Variants in BRF1 observed in about 807,000 individuals in gnomAD.
The protein encoded by BRF1 is BRF1 general transcription factor IIIB subunit.
A neutral mutation model predicts 81.7 loss-of-function variants in BRF1; 59 were observed. That is an observed-to-expected ratio of 0.72 (90% CI 0.59 to 0.90). BRF1 has a LOEUF of 0.90. BRF1 is among the 40% of genes least tolerant of loss of function. The pLI is 0.00. For synonymous variants in BRF1, 491 were observed against 395.6 expected (o/e 1.24, Z -2.86); for missense variants, 1,050 against 936.3 (o/e 1.12, Z -1.58).
chr14:105,218,807 G>C (rs1281263492), intron 14 of BRF1, among the ~76,000 whole-genome samples, 191 bp downstream of exon 14: 1 of 152,232 alleles, frequency 6.6e-6, no homozygotes, highest in Non-Finnish European at 1.5e-5. Flanking sequence ...ACGGCTGGGC[G>C]CCTGTGGCCA....
chr14:105,225,892 T>C (rs1310283090), intron 10 of BRF1, among the ~76,000 whole-genome samples, 177 bp downstream of exon 10: 1 of 152,220 alleles, frequency 6.6e-6, no homozygotes, highest in Non-Finnish European at 1.5e-5. Flanking sequence ...GTGATCCGCC[T>C]GCCTCAGCCT....
chr14:105,211,430 C>T (rs587620828), intron 16 of BRF1, 137 bp from the exon 17 acceptor site: 1 of 784,790 alleles, frequency 1.3e-6, no homozygotes, highest in African/African-American at 1.8e-5. Context: ...TTGGCCAGGG[C>T]TCCCAGGCCC....
intron 3 of BRF1, among the ~76,000 whole-genome samples, chr14:105,264,725 C>T (rs935200099): frequency 6.7e-6 from 1 of 149,132 alleles, no homozygotes; most frequent in Non-Finnish European, 1.5e-5. Flanking sequence ...CCTGTAGTCC[C>T]AACTACTATG....
At chr14:105,296,058 G>A (rs1386940239) in intron 1 of BRF1, among the ~76,000 whole-genome samples, 1 of 138,056 alleles carries the variant, frequency 7.2e-6, no homozygotes, top group Non-Finnish European at 1.5e-5. Flanking sequence ...TCCAGCCTGG[G>A]CAACAGAGCG....
rs146609099 is a variant in BRF1 at position 105,225,839 on chromosome 14, G to T, written c.1048+230C>A. Among the ~76,000 whole-genome samples, 1,448 of 152,220 alleles carry T rather than the reference G, an allele frequency of 9.5e-3. 51 individuals are homozygous for T. Among genetic ancestry groups the T allele is most frequent in the Admixed American group, 0.064 (985 of 15,282 alleles). ...ATTTTTGCATTTGTAGTAGAGACAG[G>T]GTTTCACCATGTTGGCCAGGATGGT... On this transcript the variant is annotated intron_variant, in intron 10 of 17. Transcript: ENST00000547530.
At chr14:105,314,947 C>G in intron 1 of BRF1, 2 of 1,170,748 alleles carry the variant, frequency 1.7e-6, no homozygotes, top group Non-Finnish European at 2.2e-6. Context: ...CTCGGCCTCC[C>G]CGGCGCGCCC....
chr14:105,286,402 A>T, intron 1 of BRF1, 26 bp from the exon 2 acceptor site: 1 of 1,603,714 alleles, frequency 6.2e-7, no homozygotes, highest in South Asian at 1.1e-5. Context: ...AAGACAGATC[A>T]GCCAAAACTT....
chr14:105,248,420 G>A (rs1045017050), intron 5 of BRF1: 2 of 985,342 alleles, frequency 2.0e-6, no homozygotes, highest in Non-Finnish European at 2.4e-6. Context: ...GGCTACCTCT[G>A]CACAGCGCGC....
intron 10 of BRF1, among the ~76,000 whole-genome samples, chr14:105,225,452 C>G (rs908978734): frequency 6.6e-6 from 1 of 152,176 alleles, no homozygotes; most frequent in African/African-American, 2.4e-5. Flanking sequence ...CACAGCTCAT[C>G]AGCATTAACA....
At chr14:105,300,333 CG>C in intron 1 of BRF1, 112 bp downstream of exon 1, 2 of 1,215,558 alleles carry the variant, frequency 1.6e-6, no homozygotes, top group Non-Finnish European at 2.2e-6. Context: ...CAGAACCGCG[CG>C]CCCCGACAGA....
chr14:105,250,017 C>T (rs137857567), intron 5 of BRF1: 2 of 1,612,894 alleles, frequency 1.2e-6, no homozygotes, highest in Non-Finnish European at 8.5e-7. Flanking sequence ...CTGCCAATCA[C>T]CCCACGAAAC....
chr14:105,244,136 C>T (rs954876650), intron 5 of BRF1, among the ~76,000 whole-genome samples: 3 of 150,884 alleles, frequency 2.0e-5, no homozygotes, highest in African/African-American at 4.9e-5. Flanking sequence ...CAGCAAGACC[C>T]CATCTCTTAA....
chr14:105,210,445 G>C lies in BRF1; in HGVS notation c.*106C>G. On this transcript the variant is annotated 3_prime_UTR_variant, in exon 18 of 18. Coordinates refer to ENST00000547530, the MANE Select transcript of BRF1 (RefSeq NM_001519.4). This position sits in a 1 kb window ranked among gnomAD's most constrained non-coding sequence, Gnocchi z 4.7. Reference sequence around the variant, plus strand: ...TGGGACAGGTGCCACCTGTCACCAGGAGTCTCGGCGCTGGGGCCTGCCTGC... The same window carrying C: ...TGGGACAGGTGCCACCTGTCACCAGCAGTCTCGGCGCTGGGGCCTGCCTGC... The C allele has an allele frequency of 7.8e-7, 1 of 1,275,000 alleles. No homozygotes were observed. Among genetic ancestry groups the C allele is most frequent in the Non-Finnish European group, 1.1e-6 (1 of 909,266 alleles). The allele number at this position is 1,275,000 out of a possible 1,614,324, so 79.0% of individuals were successfully genotyped here. A position where few individuals can be genotyped will look rare whatever the true frequency, so the allele number is the denominator to read the frequency against.
intron 1 of BRF1, among the ~76,000 whole-genome samples, chr14:105,306,635 T>G (rs963942209): frequency 1.6e-4 from 25 of 151,728 alleles, no homozygotes; most frequent in Non-Finnish European, 3.4e-4. Context: ...AGACTGAGTC[T>G]CGCTGTGTCG....
chr14:105,221,497 G>T, intron 11 of BRF1, 151 bp downstream of exon 11: 2 of 1,111,768 alleles, frequency 1.8e-6, no homozygotes, highest in South Asian at 1.7e-5. Flanking sequence ...CCCCATTGGG[G>T]GGACTGGTGG....
At chr14:105,228,784 T>G in intron 7 of BRF1, 36 bp downstream of exon 7, 1 of 1,609,992 alleles carries the variant, frequency 6.2e-7, no homozygotes, top group Non-Finnish European at 8.5e-7. Flanking sequence ...ATGAAGCCTC[T>G]GTGTGGTCCC....
Position 105,248,057 on chromosome 14 carries a change from C to T in BRF1, c.544+4450G>A, listed in dbSNP as rs947088623. 1.8e-5 allele frequency: 18 copies of T among 985,406 alleles called. No homozygotes were observed. The African/African-American group carries it at 2.3e-4, about 12-fold the overall frequency. 61.0% of individuals were successfully genotyped at this position (985,406 alleles called of 1,614,324 possible). A position where few individuals can be genotyped will look rare whatever the true frequency, so the allele number is the denominator to read the frequency against. On this transcript the variant is annotated intron_variant, in intron 5 of 17. Coordinates refer to ENST00000547530, the MANE Select transcript of BRF1 (RefSeq NM_001519.4). ...CTTGCCCACCCGCCGGCTGTGTGAC[C>T]TTCAGCGCGCGACTAACCTCTCTGT...
intron 2 of BRF1, among the ~76,000 whole-genome samples, chr14:105,274,576 C>T (rs2056801474): frequency 6.6e-6 from 1 of 152,238 alleles, no homozygotes; most frequent in African/African-American, 2.4e-5. Flanking sequence ...GCACACGCGC[C>T]TCCCTGGAGC....
upstream of BRF1, among the ~76,000 whole-genome samples, chr14:105,303,450 A>T (rs1359860299): frequency 6.6e-6 from 1 of 151,982 alleles, no homozygotes; most frequent in African/African-American, 2.4e-5. Context: ...TCACTGTGTT[A>T]GCCAGGATGG....
Sources: gnomAD v4.1 joint callset for allele counts (sites outside exome capture counted in the v4.1 genomes callset) on GRCh38, gnomAD v4.1.1 for gene constraint, Gnocchi (gnomAD v3.1) non-coding constraint, MANE v1.5 for transcripts, NCBI Gene and HGNC (gene_info 2026-07-23, HGNC 2026-07-21) for gene names.